The following CDON variants were observed in gnomAD, a reference collection of about 807,000 sequenced individuals.
The protein encoded by CDON is cell adhesion molecule-related/down-regulated by oncogenes.
In CDON, 73 loss-of-function variants were observed where a neutral mutation model predicts 120.9. That is an observed-to-expected ratio of 0.60 (90% CI 0.50 to 0.73). The LOEUF is 0.73. CDON is among the 30% of genes least tolerant of loss of function. The pLI, the probability that CDON is intolerant of heterozygous loss-of-function variation, is 0.00. For synonymous variants in CDON, 566 were observed against 573.5 expected (o/e 0.99, Z 0.19); for missense variants, 1,470 against 1,587.3 (o/e 0.93, Z 1.26).
rs112765766 is a variant in CDON at position 126,053,391 on chromosome 11, C to T, written c.-62+9188G>A. On this transcript the variant is annotated intron_variant, in intron 1 of 19. Coordinates refer to ENST00000531738, the MANE Select transcript of CDON (RefSeq NM_001378964.1). ...CTGCTCGGATGCTAGGACACCAAAC[C>T]GAAATCCTGATAATGAGCTGTCGTT... is the stretch of plus-strand genomic sequence containing the variant. Among the ~76,000 whole-genome samples, 262 of 152,230 alleles carry T rather than the reference C, an allele frequency of 1.7e-3. 1 individual carries two copies. Among genetic ancestry groups the T allele is most frequent in the African/African-American group, 5.9e-3 (246 of 41,526 alleles).
chr11:126,033,663 C>A (rs1426044065), intron 1 of CDON, among the ~76,000 whole-genome samples: 1 of 152,116 alleles, frequency 6.6e-6, no homozygotes, highest in Non-Finnish European at 1.5e-5. Flanking sequence ...CAGACACATT[C>A]CTTCATGCTT....
rs1371889911 is a variant in CDON, at chr11:125,957,476, A to G, written c.*3466T>C. 2.6e-5 allele frequency: 4 copies of G among 152,264 alleles called. No homozygotes were observed. The East Asian group carries it at 5.8e-4, about 22-fold the overall frequency. 9.4% of individuals were successfully genotyped at this position (152,264 alleles called of 1,614,324 possible). ...TATGAAAGCAGCCTTCTCTTTTAATATAAAATCATATCAACCAAATAAAAC... is the reference window on the plus strand; with the variant it reads ...TATGAAAGCAGCCTTCTCTTTTAATGTAAAATCATATCAACCAAATAAAAC... On this transcript the variant is annotated 3_prime_UTR_variant, in exon 20 of 20. Coordinates refer to ENST00000531738, the MANE Select transcript of CDON (RefSeq NM_001378964.1).
At chr11:126,051,657 T>C (rs1186514835) in intron 1 of CDON, among the ~76,000 whole-genome samples, 1 of 142,546 alleles carries the variant, frequency 7.0e-6, no homozygotes, top group East Asian at 1.9e-4. Context: ...TTTTTCTTTT[T>C]TTTTTTTTTT....
At chr11:126,029,972 A>G (rs1037503253) in intron 1 of CDON, among the ~76,000 whole-genome samples, 5 of 152,230 alleles carry the variant, frequency 3.3e-5, no homozygotes, top group Non-Finnish European at 5.9e-5. Context: ...TCAATGCTGT[A>G]AAAATCTCTG....
At chr11:126,000,304 C>A (rs1280375869) in intron 11 of CDON, among the ~76,000 whole-genome samples, 1 of 152,160 alleles carries the variant, frequency 6.6e-6, no homozygotes, top group African/African-American at 2.4e-5. Flanking sequence ...AATTCCTGGG[C>A]TCAAGAGATC....
intron 1 of CDON, among the ~76,000 whole-genome samples, chr11:126,040,706 T>C (rs1948233724): frequency 6.7e-6 from 1 of 148,222 alleles, no homozygotes; most frequent in South Asian, 2.1e-4. Flanking sequence ...TCCCAGCTAC[T>C]TGGGAGGCTG....
At chr11:126,009,894 G>C (rs1947241452) in intron 8 of CDON, among the ~76,000 whole-genome samples, 1 of 152,046 alleles carries the variant, frequency 6.6e-6, no homozygotes, top group South Asian at 2.1e-4. Flanking sequence ...CATCCCATTA[G>C]AAAATAACTT....
intron 1 of CDON, among the ~76,000 whole-genome samples, chr11:126,045,694 G>A (rs1263932036): frequency 6.6e-6 from 1 of 152,076 alleles, no homozygotes; most frequent in Admixed American, 6.5e-5. Context: ...CATTCGGCTG[G>A]GCACAGTGGC....
At chr11:125,982,661 G>A (rs1414914930) in intron 16 of CDON, among the ~76,000 whole-genome samples, 2 of 152,170 alleles carry the variant, frequency 1.3e-5, no homozygotes. Context: ...TTGAATAAAT[G>A]ACTGAATGAA....
chr11:126,033,884 T>C (rs1352525451), intron 1 of CDON, among the ~76,000 whole-genome samples: 1 of 152,160 alleles, frequency 6.6e-6, no homozygotes, highest in Non-Finnish European at 1.5e-5. Context: ...AAGAATTTCT[T>C]AAAGCAGTCA....
intron 1 of CDON, among the ~76,000 whole-genome samples, chr11:126,060,404 T>C (rs1019125476): frequency 2.0e-5 from 3 of 152,232 alleles, no homozygotes; most frequent in African/African-American, 7.2e-5. Flanking sequence ...CGCTGGCTCA[T>C]ATCATTACAC....
At chr11:126,053,632 A>T (rs886902319) in intron 1 of CDON, among the ~76,000 whole-genome samples, 1 of 151,972 alleles carries the variant, frequency 6.6e-6, no homozygotes, top group Non-Finnish European at 1.5e-5. Flanking sequence ...TCATCATTTT[A>T]TGAGCCAGTA....
chr11:126,007,563 T>C (rs1188893496), intron 8 of CDON, among the ~76,000 whole-genome samples: 2 of 152,142 alleles, frequency 1.3e-5, no homozygotes, highest in Non-Finnish European at 2.9e-5. Context: ...CTTTTTATCA[T>C]TAGAAGTTTA....
intron 1 of CDON, among the ~76,000 whole-genome samples, chr11:126,056,000 T>G (rs751516738): frequency 3.3e-5 from 5 of 152,184 alleles, no homozygotes; most frequent in Admixed American, 2.0e-4. Context: ...ATTTCCTACC[T>G]CCAAAATCAT....
At chr11:125,980,769 T>C (rs1946272838) in intron 17 of CDON, among the ~76,000 whole-genome samples, 1 of 152,232 alleles carries the variant, frequency 6.6e-6, no homozygotes, top group South Asian at 2.1e-4. Flanking sequence ...TTCCATTTCA[T>C]CTAAAGAACA....
chr11:125,973,344 G>A (rs1483189680), intron 18 of CDON, among the ~76,000 whole-genome samples: 2 of 152,022 alleles, frequency 1.3e-5, no homozygotes, highest in Non-Finnish European at 2.9e-5. Context: ...CAGCCTGACT[G>A]ACATGGTGAA....
Position 125,960,821 on chromosome 11 carries a change from CA to C in CDON, c.*120del, listed in dbSNP as rs1945620961. ...ATACATTCATATGACATTACTACTA[CA>C]AAAAAATAAATAATGATTTTCTCTG... On this transcript the variant is annotated 3_prime_UTR_variant, in exon 20 of 20. Transcript: ENST00000531738. The C allele has an allele frequency of 1.3e-5, 13 of 963,300 alleles. No individual in the cohort carries two copies. The highest frequency in any genetic ancestry group is 2.4e-5 in the East Asian group (1 of 41,792). 59.7% of individuals were successfully genotyped at this position (963,300 alleles called of 1,614,324 possible). A position where few individuals can be genotyped will look rare whatever the true frequency, so the allele number is the denominator to read the frequency against.
chr11:126,035,442 T>C (rs1168992578), intron 1 of CDON, among the ~76,000 whole-genome samples: 1 of 152,112 alleles, frequency 6.6e-6, no homozygotes, highest in Non-Finnish European at 1.5e-5. Context: ...CCACATAAAA[T>C]AATGGAAGAA....
chr11:126,000,410 G>A (rs1055929567), intron 11 of CDON, among the ~76,000 whole-genome samples: 3 of 152,076 alleles, frequency 2.0e-5, no homozygotes, highest in East Asian at 1.9e-4. Context: ...GTCTCACTAC[G>A]TTGCTCAAGC....
Sources: allele counts gnomAD v4.1 joint callset (sites outside exome capture counted in the v4.1 genomes callset), GRCh38; gene constraint gnomAD v4.1.1; transcripts MANE v1.5; gene names NCBI Gene and HGNC (gene_info 2026-07-23, HGNC 2026-07-21).